The following UNC13C variants were observed in gnomAD, a reference collection of about 807,000 sequenced individuals.
UNC13C encodes the protein unc-13 homolog C.
Under a neutral mutation model 245.4 loss-of-function variants are expected in UNC13C, and 174 were observed. The ratio of observed to expected loss-of-function variants is 0.71; its 90% confidence interval spans 0.63 to 0.80. The LOEUF (loss-of-function observed/expected upper bound fraction) is 0.80. UNC13C is among the 30% of genes least tolerant of loss of function. The pLI is 0.00. For synonymous variants in UNC13C, 992 were observed against 895.1 expected (o/e 1.11, Z -1.93); for missense variants, 2,829 against 2,602.9 (o/e 1.09, Z -1.89).
chr15:54,141,088 A>C (rs137951466), intron 2 of UNC13C, among the ~76,000 whole-genome samples: 188 of 152,254 alleles, frequency 1.2e-3, no homozygotes, highest in African/African-American at 4.5e-3. Flanking sequence ...AATGAATATA[A>C]AGTACTCATT....
chr15:53,840,805 C>T, the UNC13C span, among the ~76,000 whole-genome samples: 1 of 152,082 alleles, frequency 6.6e-6, no homozygotes, highest in Non-Finnish European at 1.5e-5. Flanking sequence ...CATATGTGAC[C>T]AGAGCAAGTA....
intron 29 of UNC13C, among the ~76,000 whole-genome samples, chr15:54,562,701 G>A (rs1055053882): frequency 6.6e-6 from 1 of 152,036 alleles, no homozygotes; most frequent in Non-Finnish European, 1.5e-5. Context: ...CTGTGTGATA[G>A]ACTTTCAGAT....
At chr15:53,986,675 T>C (rs1243498733) in intron 1 of UNC13C, among the ~76,000 whole-genome samples, 1 of 152,090 alleles carries the variant, frequency 6.6e-6, no homozygotes, top group African/African-American at 2.4e-5. Context: ...ATGTCTGTTT[T>C]TCAATTGCTT....
At chr15:54,447,439 T>C (rs1890880500) in intron 19 of UNC13C, among the ~76,000 whole-genome samples, 1 of 152,198 alleles carries the variant, frequency 6.6e-6, no homozygotes, top group South Asian at 2.1e-4. Context: ...AATTATTGCC[T>C]CAATTTCAGA....
chr15:54,186,045 G>A (rs1033032218), intron 4 of UNC13C, among the ~76,000 whole-genome samples: 2 of 151,508 alleles, frequency 1.3e-5, no homozygotes, highest in Non-Finnish European at 2.9e-5. Context: ...GTGAATGGGA[G>A]TTCACTCATG....
chr15:53,841,248 G>T, the UNC13C span, among the ~76,000 whole-genome samples: 2 of 151,966 alleles, frequency 1.3e-5, no homozygotes, highest in African/African-American at 4.8e-5. Flanking sequence ...ACTACCAATT[G>T]GTGGAGCTAG....
chr15:54,045,613 A>G (rs1450247352), intron 2 of UNC13C, among the ~76,000 whole-genome samples: 1 of 152,154 alleles, frequency 6.6e-6, no homozygotes, highest in Non-Finnish European at 1.5e-5. Context: ...GAGTCATACC[A>G]ATGGGGAGAG....
At chr15:53,973,228 C>T (rs75769167), upstream of UNC13C, among the ~76,000 whole-genome samples, 3,089 of 152,032 alleles carry the variant, frequency 0.02, 53 homozygotes, top group Middle Eastern at 0.027. Context: ...CTGGAAACGT[C>T]GCCATTATGA....
intron 19 of UNC13C, among the ~76,000 whole-genome samples, chr15:54,455,359 T>C (rs1261253418): frequency 6.6e-6 from 1 of 150,592 alleles, no homozygotes; most frequent in East Asian, 2.0e-4. Context: ...GCTTAATTTT[T>C]CTCTGGGTAG....
intron 2 of UNC13C, among the ~76,000 whole-genome samples, chr15:54,078,016 A>G (rs929619887): frequency 4.6e-5 from 7 of 151,912 alleles, no homozygotes; most frequent in Non-Finnish European, 7.4e-5. Flanking sequence ...TATTATTTCC[A>G]TGTTTATGTC....
At chr15:54,248,248 C>G (rs1596079783) in intron 7 of UNC13C, among the ~76,000 whole-genome samples, 2 of 151,974 alleles carry the variant, frequency 1.3e-5, no homozygotes, top group African/African-American at 4.8e-5. Flanking sequence ...AACGAGTTGC[C>G]TGATGCAATT....
At chr15:54,448,437 C>G (rs971797597) in intron 19 of UNC13C, among the ~76,000 whole-genome samples, 19 of 152,014 alleles carry the variant, frequency 1.2e-4, no homozygotes, top group Non-Finnish European at 2.2e-4. Flanking sequence ...CTAAGGACTT[C>G]CTTTATGAAT....
At chr15:54,533,776 T>G (rs1895865088) in intron 26 of UNC13C, among the ~76,000 whole-genome samples, 1 of 152,170 alleles carries the variant, frequency 6.6e-6, no homozygotes, top group Non-Finnish European at 1.5e-5. Flanking sequence ...TTAGTAAGTT[T>G]GAGGCAGGGT....
In UNC13C at chr15:54,249,386, C is replaced by A. The variant is rs2036080936; in HGVS notation, c.3229-839C>A. On this transcript the variant is annotated intron_variant, in intron 7 of 32. Coordinates refer to ENST00000260323, the MANE Select transcript of UNC13C (RefSeq NM_001080534.3). ...AGAGGAGGAGGGTGAGTCTTAGAGCCCTTACATTTCTCCGTAGATTACAAG... is the reference window on the plus strand; with the variant it reads ...AGAGGAGGAGGGTGAGTCTTAGAGCACTTACATTTCTCCGTAGATTACAAG... Among the ~76,000 whole-genome samples the A allele has an allele frequency of 2.6e-5, 4 of 152,002 alleles. 1 individual carries two copies. Among genetic ancestry groups the A allele is most frequent in the African/African-American group, 9.7e-5 (4 of 41,392 alleles).
intron 4 of UNC13C, among the ~76,000 whole-genome samples, chr15:54,203,061 C>T (rs1279818613): frequency 2.0e-5 from 3 of 151,722 alleles, no homozygotes; most frequent in Non-Finnish European, 4.4e-5. Flanking sequence ...AAAAGGCCAA[C>T]AAGCATATGG....
chr15:54,286,972 T>G lies in UNC13C; in HGVS notation c.3819-6923T>G, dbSNP rs140778188. ...ATCACTCTTTAAGAAGAGAATTATT[T>G]TTAATTAAAGGAAAACTGCAAAACA... On this transcript the variant is annotated intron_variant, in intron 10 of 32. Coordinates refer to ENST00000260323, the MANE Select transcript of UNC13C (RefSeq NM_001080534.3). Among the ~76,000 whole-genome samples the G allele has an allele frequency of 2.8e-3, 434 of 152,322 alleles. 2 individuals are homozygous for G. Among genetic ancestry groups the G allele is most frequent in the East Asian group, 0.026 (134 of 5,194 alleles).
At chr15:54,024,922 AAAAAAT>A (rs1262677419) in intron 2 of UNC13C, among the ~76,000 whole-genome samples, 1 of 123,328 alleles carries the variant, frequency 8.1e-6, no homozygotes, top group African/African-American at 2.7e-5. Context: ...CTCAAAAAAT[AAAAAAT>A]AAAAAATAAT....
chr15:53,939,511 A>G, the UNC13C span, among the ~76,000 whole-genome samples: 2 of 152,176 alleles, frequency 1.3e-5, no homozygotes, highest in African/African-American at 2.4e-5. Context: ...TCCTGATACC[A>G]AAACCTGGCA....
chr15:54,369,744 A>G (rs533488328), intron 17 of UNC13C, among the ~76,000 whole-genome samples: 10 of 152,292 alleles, frequency 6.6e-5, no homozygotes, highest in Middle Eastern at 3.4e-3. Context: ...AATGACACTC[A>G]GATTAGTCAA....
Sources: allele counts gnomAD v4.1 joint callset (sites outside exome capture counted in the v4.1 genomes callset), GRCh38; gene constraint gnomAD v4.1.1; transcripts MANE v1.5; gene names NCBI Gene and HGNC (gene_info 2026-07-23, HGNC 2026-07-21).